Variants in AIG1 observed in about 807,000 individuals in gnomAD.
AIG1 encodes androgen-induced gene 1 protein.
In AIG1, 23 loss-of-function variants were observed where a neutral mutation model predicts 31.4. That is an observed-to-expected ratio of 0.73 (90% confidence interval 0.53 to 1.04). The LOEUF (loss-of-function observed/expected upper bound fraction) is 1.04, where lower values mean the gene tolerates loss of function less well. Among genes scored for constraint, AIG1 ranks in the 50% least tolerant of loss-of-function variants. AIG1 has a pLI of 0.00. For synonymous variants in AIG1, 100 were observed against 110.5 expected (o/e 0.90, Z 0.60); for missense variants, 274 against 295.0 (o/e 0.93, Z 0.52).
chr6:143,171,736 G>A (rs1307741009), intron 3 of AIG1, among the ~76,000 whole-genome samples: 1 of 150,946 alleles, frequency 6.6e-6, no homozygotes, highest in African/African-American at 2.4e-5. Context: ...TCTACTTTTT[G>A]TTATTTTAGG....
At chr6:143,226,064 G>A (rs139572859) in intron 3 of AIG1, among the ~76,000 whole-genome samples, 13 of 152,096 alleles carry the variant, frequency 8.5e-5, no homozygotes, top group Non-Finnish European at 1.5e-4. Context: ...TGTAATTGCC[G>A]GTGAATCTTG....
intron 3 of AIG1, among the ~76,000 whole-genome samples, chr6:143,225,590 A>G (rs186422280): frequency 6.6e-6 from 1 of 152,350 alleles, no homozygotes; most frequent in East Asian, 1.9e-4. Flanking sequence ...AAAACTACAA[A>G]TGACTTTTTC....
chr6:143,061,594 C>G, intron 1 of AIG1: 1 of 291,002 alleles, frequency 3.4e-6, no homozygotes, highest in Non-Finnish European at 6.9e-6. Flanking sequence ...GTCTTCTTTG[C>G]ATCTGTTTTT....
At chr6:143,119,091 C>G (rs543567845) in intron 1 of AIG1, among the ~76,000 whole-genome samples, 1 of 152,062 alleles carries the variant, frequency 6.6e-6, no homozygotes, top group Non-Finnish European at 1.5e-5. Context: ...CCAGGCTGGT[C>G]TCGAACTTCT....
rs371289219 is a variant in AIG1 at position 143,209,051 on chromosome 6, C to G, written c.399+43868C>G. On this transcript the variant is annotated intron_variant, in intron 3 of 5. Transcript: ENST00000357847. ...GCCTGATGTATTACTAGCAGGGACCCCTGAGTGTCTCTCTGCACTGGGAAA... is the reference window on the plus strand; with the variant it reads ...GCCTGATGTATTACTAGCAGGGACCGCTGAGTGTCTCTCTGCACTGGGAAA... Among the ~76,000 whole-genome samples the G allele has an allele frequency of 1.0e-3, 158 of 152,180 alleles. 2 individuals carry two copies. Among genetic ancestry groups the G allele is most frequent in the African/African-American group, 3.5e-3 (144 of 41,536 alleles).
At chr6:143,335,508 G>C (rs1332617730) in intron 5 of AIG1, 1 of 140,524 alleles carries the variant, frequency 7.1e-6, no homozygotes, top group Non-Finnish European at 1.5e-5. Flanking sequence ...CCCCAGCCTG[G>C]CAACAGAACA....
At chr6:143,096,089 G>A (rs1779761070) in intron 1 of AIG1, among the ~76,000 whole-genome samples, 1 of 151,730 alleles carries the variant, frequency 6.6e-6, no homozygotes, top group Admixed American at 6.6e-5. Context: ...TGTATTTTTA[G>A]TAGAGACAGG....
At chr6:143,263,717 T>A (rs1365569296) in intron 3 of AIG1, among the ~76,000 whole-genome samples, 3 of 152,222 alleles carry the variant, frequency 2.0e-5, no homozygotes, top group Non-Finnish European at 4.4e-5. Context: ...CTTTGATGTC[T>A]AAATGTGATG....
chr6:143,105,383 C>T (rs1344360561), intron 1 of AIG1, among the ~76,000 whole-genome samples: 2 of 152,200 alleles, frequency 1.3e-5, no homozygotes, highest in Non-Finnish European at 2.9e-5. Flanking sequence ...CACAGGCCTT[C>T]ACACACCAGG....
At chr6:143,253,752 G>A (rs996340150) in intron 3 of AIG1, among the ~76,000 whole-genome samples, 12 of 152,076 alleles carry the variant, frequency 7.9e-5, no homozygotes, top group Admixed American at 2.6e-4. Flanking sequence ...ATTTCAAACC[G>A]TCTTCAAATT....
intron 3 of AIG1, chr6:143,188,938 C>T (rs1202477756): frequency 1.0e-6 from 1 of 983,536 alleles, no homozygotes; most frequent in Admixed American, 6.2e-5. Flanking sequence ...CTCAAGCCTT[C>T]CAGACTCATC....
intron 3 of AIG1, among the ~76,000 whole-genome samples, chr6:143,227,731 G>A (rs1161234509): frequency 2.0e-5 from 3 of 152,120 alleles, no homozygotes; most frequent in Admixed American, 2.0e-4. Context: ...CATAGGGGTT[G>A]GGTCTTGGAG....
rs201758681 is a variant in AIG1 at position 143,318,783 on chromosome 6, G to GA, written c.516-14488dup. On this transcript the variant is annotated intron_variant, in intron 4 of 5. Coordinates refer to ENST00000357847, the MANE Select transcript of AIG1 (RefSeq NM_016108.4). The stretch of plus-strand genomic sequence containing the variant: ...CAAGAAACTCAAAGAAATCAGCAAG[G>GA]AAAAAAAAAAATCCCATTAAAAAGT... Among the ~76,000 whole-genome samples the GA allele has an allele frequency of 9.9e-3, 1,407 of 142,106 alleles. 24 individuals carry two copies. The highest frequency in any genetic ancestry group is 0.033 in the African/African-American group (1,277 of 38,940). 93.2% of individuals were successfully genotyped at this position (142,106 alleles called of 152,430 possible).
intron 4 of AIG1, among the ~76,000 whole-genome samples, chr6:143,323,069 A>G (rs140646466): frequency 5.8e-4 from 89 of 152,272 alleles, no homozygotes; most frequent in African/African-American, 2.1e-3. Flanking sequence ...CTGAGGCTCA[A>G]TGAAGTTAAA....
chr6:143,171,771 G>T (rs2128574226), intron 3 of AIG1, among the ~76,000 whole-genome samples: 1 of 151,598 alleles, frequency 6.6e-6, no homozygotes, highest in South Asian at 2.1e-4. Context: ...TTTCCATAGT[G>T]GTTGTACTAG....
chr6:143,263,696 G>T (rs909887401), intron 3 of AIG1, among the ~76,000 whole-genome samples: 3 of 152,068 alleles, frequency 2.0e-5, no homozygotes, highest in Non-Finnish European at 4.4e-5. Context: ...ATATAAATAT[G>T]TTTTGATGTT....
intron 3 of AIG1, among the ~76,000 whole-genome samples, chr6:143,197,719 T>G (rs758712464): frequency 6.6e-6 from 1 of 152,236 alleles, no homozygotes; most frequent in African/African-American, 2.4e-5. Context: ...GCCTAGATCC[T>G]TGAATAATTG....
downstream of AIG1, chr6:143,342,873 G>T: frequency 1.2e-6 from 1 of 852,670 alleles, no homozygotes; most frequent in South Asian, 1.3e-5. Flanking sequence ...CTCCAATGTT[G>T]CTGTCAACAT....
intron 4 of AIG1, among the ~76,000 whole-genome samples, chr6:143,324,929 A>G (rs1776483671): frequency 6.6e-6 from 1 of 152,198 alleles, no homozygotes; most frequent in Non-Finnish European, 1.5e-5. Flanking sequence ...TCATGACAGA[A>G]TAGGATGAAA....
Sources: gnomAD v4.1 joint callset for allele counts (sites outside exome capture counted in the v4.1 genomes callset) on GRCh38, gnomAD v4.1.1 for gene constraint, MANE v1.5 for transcripts, NCBI Gene and HGNC (gene_info 2026-07-23, HGNC 2026-07-21) for gene names.